KRT23: variants seen among roughly 807,000 people sequenced by gnomAD.
KRT23 encodes keratin 23.
In KRT23, 38 loss-of-function variants were observed where a neutral mutation model predicts 47.6. That is an observed-to-expected ratio of 0.80 (90% confidence interval 0.62 to 1.05). The LOEUF is 1.05. Among genes scored for constraint, KRT23 ranks in the 50% least tolerant of loss-of-function variants. KRT23 has a pLI of 0.00. For synonymous variants in KRT23, 191 were observed against 199.0 expected (o/e 0.96, Z 0.34); for missense variants, 503 against 529.5 (o/e 0.95, Z 0.49).
rs141604898 is a variant in KRT23 at position 40,936,262 on chromosome 17, G to T, written c.342C>A (p.Gly114=). 32 of 1,614,056 alleles carry T rather than the reference G, an allele frequency of 2.0e-5. No homozygotes were observed. Among genetic ancestry groups the T allele is most frequent in the African/African-American group, 2.7e-5 (2 of 74,914 alleles). Residue 114 remains glycine, a synonymous_variant, in exon 2 of 9, where the codon GGC becomes GGA. Coordinates refer to ENST00000209718, the MANE Select transcript of KRT23 (RefSeq NM_015515.5). ...ILKWHQQRDP[G]SKKDYSQYEE... is the part of the protein sequence containing the mutation. The stretch of plus-strand genomic sequence containing the variant: ...CATACTGGGAATAATCTTTCTTACT[G>T]CCAGGATCTCTCTGCTGGTGCCATT...
intron 7 of KRT23, among the ~76,000 whole-genome samples, chr17:40,924,905 A>G (rs1162461676): frequency 6.6e-6 from 1 of 152,038 alleles, no homozygotes; most frequent in Admixed American, 6.5e-5. Context: ...CATAGAATAT[A>G]TATGCCCTTT....
chr17:40,925,230 G>A, intron 7 of KRT23, 124 bp downstream of exon 7: 3 of 754,452 alleles, frequency 4.0e-6, no homozygotes, highest in Non-Finnish European at 7.0e-6. Context: ...ATCTTCTGGA[G>A]TAGCTCAACA....
At chr17:40,924,350 G>C (rs1357101790) in intron 8 of KRT23, 122 bp downstream of exon 8, 4 of 721,160 alleles carry the variant, frequency 5.5e-6, no homozygotes, top group Non-Finnish European at 9.5e-6. Flanking sequence ...GAAGATTCCT[G>C]ACCCAGGACA....
Position 40,925,496 on chromosome 17 carries a change from A to G in KRT23, c.1000T>C (p.Ser334Pro), listed in dbSNP as rs1385509949. ...CKLQDMQEII[S>P]HYEEELTQLR... ...TGCGTCAGTTCCTCCTCATAGTGGG[A>G]GATGATCTCTTGCATGTCCTGGAGC... The change falls in exon 7 of 9, where the codon TCC becomes CCC. Residue 334 changes from serine to proline, a missense_variant. Ser to Pro is a moderately conservative substitution (Grantham distance 74). Transcript: ENST00000209718. The G allele has an allele frequency of 6.2e-7, 1 of 1,614,026 alleles. No individual in the cohort carries two copies. Among genetic ancestry groups the G allele is most frequent in the Non-Finnish European group, 8.5e-7 (1 of 1,180,004 alleles).
chr17:40,931,232 G>C (rs892923997), intron 3 of KRT23, 141 bp downstream of exon 3: 1 of 609,218 alleles, frequency 1.6e-6, no homozygotes, highest in African/African-American at 1.9e-5. Context: ...GGATGGTCTC[G>C]ATCTCTTGAC....
intron 2 of KRT23, 105 bp downstream of exon 2, chr17:40,936,103 C>T (rs1910044730): frequency 1.6e-6 from 2 of 1,242,906 alleles, no homozygotes; most frequent in Admixed American, 4.1e-5. Flanking sequence ...ACTTCAAGCG[C>T]TGATGCCATT....
intron 2 of KRT23, among the ~76,000 whole-genome samples, chr17:40,934,900 C>T (rs1909944431): frequency 6.6e-6 from 1 of 152,156 alleles, no homozygotes; most frequent in South Asian, 2.1e-4. Flanking sequence ...AATAAGTGCT[C>T]AGTAAACATT....
chr17:40,927,300 A>G (rs1041139631), intron 6 of KRT23, among the ~76,000 whole-genome samples: 2 of 152,250 alleles, frequency 1.3e-5, no homozygotes, highest in Admixed American at 1.3e-4. Flanking sequence ...AGTAGAATGC[A>G]TGAAAATGGG....
Position 40,922,959 on chromosome 17 carries a change from T to G in KRT23, c.*30A>C, listed in dbSNP as rs1225893041. 1 of 1,540,454 alleles carries G rather than the reference T, an allele frequency of 6.5e-7. No homozygotes were observed. The highest frequency in any genetic ancestry group is 2.2e-5 in the East Asian group (1 of 44,522). ...AGGACTTTCCTTGGGGGAAAATAGA[T>G]TTTACAACAGGCGGAAACTTTCATT... On this transcript the variant is annotated 3_prime_UTR_variant, in exon 9 of 9. Coordinates refer to ENST00000209718, the MANE Select transcript of KRT23 (RefSeq NM_015515.5).
chr17:40,929,625 A>G (rs1909504416), intron 4 of KRT23: 1 of 253,400 alleles, frequency 3.9e-6, no homozygotes, highest in Non-Finnish European at 7.4e-6. Context: ...TGGGCCAGTG[A>G]TGGAAGTCCA....
chr17:40,929,021 T>C (rs1909438388), intron 4 of KRT23, among the ~76,000 whole-genome samples: 1 of 107,428 alleles, frequency 9.3e-6, no homozygotes, highest in African/African-American at 4.1e-5. Flanking sequence ...AGTGAGACCC[T>C]GTCTCCAAAA....
rs199649064 is a variant in KRT23 at position 40,936,354 on chromosome 17, C to T, written c.250G>A (p.Ala84Thr). Residue 84 changes from alanine (A) to threonine (T), a missense_variant, in exon 2 of 9, where the codon GCC becomes ACC. Transcript: ENST00000209718. Reference protein sequence around the residue: ...ATMQNLNDRLASYLEKVRALE... With the variant: ...ATMQNLNDRLTSYLEKVRALE... The stretch of plus-strand genomic sequence containing the variant: ...GCGCGAACCTTCTCCAGGTAGGAGG[C>T]CAGGCGGTCGTTGAGATTCTGCATG... 9.9e-6 allele frequency: 16 copies of T among 1,614,218 alleles called. No homozygotes were observed. The highest frequency in any genetic ancestry group is 1.2e-5 in the Non-Finnish European group (14 of 1,180,028).
In KRT23 at chr17:40,925,482, C is replaced by T. The variant is rs1214900440; in HGVS notation, c.1014G>A (p.Glu338=). ...GTTCATGGCGTAGCTGCGTCAGTTC[C>T]TCCTCATAGTGGGAGATGATCTCTT... ...DMQEIISHYE[E]ELTQLRHELE... is the part of the protein sequence containing the mutation. The change falls in exon 7 of 9, where the codon GAG becomes GAA. Residue 338 remains glutamate (E), a synonymous_variant. Transcript: ENST00000209718. 6.2e-7 allele frequency: 1 copy of T among 1,614,160 alleles called. No individual in the cohort carries two copies.
In KRT23 at chr17:40,924,471, C is replaced by G; in HGVS notation, c.1174+1G>C. The G allele has an allele frequency of 6.2e-7, 1 of 1,612,318 alleles. No individual in the cohort carries two copies. The highest frequency in any genetic ancestry group is 8.5e-7 in the Non-Finnish European group (1 of 1,178,558). ...TTCAAACAATGAAGGAAATTTTTTA[C>G]CTTTCATGCTCGACTTTGATTCTTC... On this transcript the variant is annotated splice_donor_variant, in intron 8 of 8. Coordinates refer to ENST00000209718, the MANE Select transcript of KRT23 (RefSeq NM_015515.5). LOFTEE classifies it high-confidence loss of function.
intron 3 of KRT23, among the ~76,000 whole-genome samples, 188 bp downstream of exon 3, chr17:40,931,185 T>C (rs1471188004): frequency 6.6e-6 from 1 of 152,042 alleles, no homozygotes; most frequent in African/African-American, 2.4e-5. Context: ...CTAATTTTTG[T>C]ATTTTTAGTA....
intron 4 of KRT23, among the ~76,000 whole-genome samples, chr17:40,929,305 C>T (rs1226466151): frequency 6.6e-6 from 1 of 152,204 alleles, no homozygotes; most frequent in Non-Finnish European, 1.5e-5. Flanking sequence ...CCTTGTGACA[C>T]TGTAGGGCTG....
Position 40,936,332 on chromosome 17 carries a change from C to A in KRT23, c.272G>T (p.Arg91Leu). Residue 91 changes from arginine to leucine, a missense_variant, in exon 2 of 9, where the codon CGC (arginine) becomes CTC (leucine). Physicochemically the swap from Arg to Leu is moderately radical, Grantham distance 102 (BLOSUM62 -2). Transcript: ENST00000209718. ...CTTCATGTTGGCCTCCTCCAGGGCG[C>A]GAACCTTCTCCAGGTAGGAGGCCAG... ...DRLASYLEKVRALEEANMKLE... is the reference protein window; with the variant it reads ...DRLASYLEKVLALEEANMKLE... 2 of 1,614,216 alleles carry A rather than the reference C, an allele frequency of 1.2e-6. No individual in the cohort carries two copies. Among genetic ancestry groups the A allele is most frequent in the Non-Finnish European group, 1.7e-6 (2 of 1,180,038 alleles).
intron 4 of KRT23, 60 bp from the exon 5 acceptor site, chr17:40,928,667 A>G (rs1417252658): frequency 2.4e-5 from 36 of 1,491,990 alleles, no homozygotes; most frequent in Non-Finnish European, 3.1e-5. Context: ...CTGGATTGCC[A>G]TGTTGATTGG....
intron 6 of KRT23, 83 bp from the exon 7 acceptor site, chr17:40,925,657 G>GT: frequency 9.6e-7 from 1 of 1,043,488 alleles, no homozygotes; most frequent in Non-Finnish European, 1.4e-6. Flanking sequence ...CTTAGCAGAT[G>GT]TCGACCAGTT....
Sources: gnomAD v4.1 joint callset for allele counts (sites outside exome capture counted in the v4.1 genomes callset) on GRCh38, gnomAD v4.1.1 for gene constraint, MANE v1.5 for transcripts, NCBI Gene and HGNC (gene_info 2026-07-23, HGNC 2026-07-21) for gene names.